The following RGS6 variants were observed in gnomAD, a reference collection of about 807,000 sequenced individuals.
RGS6 encodes the protein regulator of G protein signaling 6.
In RGS6, 30 loss-of-function variants were observed where a neutral mutation model predicts 78.5. That is an observed-to-expected ratio of 0.38 (90% CI 0.29 to 0.52). The LOEUF (loss-of-function observed/expected upper bound fraction) is 0.52. Among genes scored for constraint, RGS6 ranks in the 20% least tolerant of loss-of-function variants. RGS6 has a pLI of 0.85. For synonymous variants in RGS6, 206 were observed against 206.0 expected (o/e 1.00, Z 0.00); for missense variants, 495 against 609.7 (o/e 0.81, Z 1.98).
At chr14:71,886,045 T>C in the RGS6 span, among the ~76,000 whole-genome samples, 1 of 152,010 alleles carries the variant, frequency 6.6e-6, no homozygotes, top group Non-Finnish European at 1.5e-5. Context: ...TTTATTTTAT[T>C]CAGAAATGCG....
chr14:72,449,129 T>C (rs1038312249), intron 3 of RGS6, among the ~76,000 whole-genome samples: 3 of 152,206 alleles, frequency 2.0e-5, no homozygotes, highest in African/African-American at 7.2e-5. Flanking sequence ...GAAAATCCAA[T>C]GGATCAAGTC....
At chr14:72,193,964 G>T (rs2039381487) in intron 2 of RGS6, among the ~76,000 whole-genome samples, 1 of 152,122 alleles carries the variant, frequency 6.6e-6, no homozygotes, top group Admixed American at 6.5e-5. Context: ...TGTGTGAAGA[G>T]GAACATGAAC....
At chr14:72,036,200 A>ATATTATTAT (rs3053081) in intron 2 of RGS6, among the ~76,000 whole-genome samples, 20,589 of 146,608 alleles carry the variant, frequency 0.14, 1,726 homozygotes, top group Admixed American at 0.18. Flanking sequence ...GCATGTAAAC[A>ATATTATTAT]TATTATTATT....
At chr14:72,318,519 A>C (rs1165474721) in intron 2 of RGS6, among the ~76,000 whole-genome samples, 1 of 152,230 alleles carries the variant, frequency 6.6e-6, no homozygotes, top group African/African-American at 2.4e-5. Flanking sequence ...AGTGAAAAGC[A>C]TAAATTTTGC....
At chr14:71,993,442 C>A (rs560203843) in intron 2 of RGS6, among the ~76,000 whole-genome samples, 4 of 152,252 alleles carry the variant, frequency 2.6e-5, no homozygotes, top group African/African-American at 9.6e-5. Flanking sequence ...TAGTTACTAT[C>A]TATTGATCCC....
At chr14:72,368,941 G>A (rs985396782) in intron 3 of RGS6, among the ~76,000 whole-genome samples, 5 of 152,138 alleles carry the variant, frequency 3.3e-5, no homozygotes, top group Middle Eastern at 3.2e-3. Flanking sequence ...TTCTAGATCA[G>A]GGTGTCTAAT....
At chr14:72,022,459 G>C (rs1357219310) in intron 2 of RGS6, 1 of 152,198 alleles carries the variant, frequency 6.6e-6, no homozygotes, top group Non-Finnish European at 1.5e-5. Flanking sequence ...AGAGCAAGGA[G>C]TTTGATCTGT....
At chr14:71,915,924 C>T in the RGS6 span, among the ~76,000 whole-genome samples, 3 of 152,192 alleles carry the variant, frequency 2.0e-5, no homozygotes, top group African/African-American at 7.2e-5. Flanking sequence ...ACGCAGAGGA[C>T]AGACCACGGG....
chr14:72,069,471 C>A (rs931714673), intron 2 of RGS6, among the ~76,000 whole-genome samples: 4 of 152,182 alleles, frequency 2.6e-5, no homozygotes, highest in African/African-American at 9.7e-5. Flanking sequence ...GTTTTCCTCT[C>A]TTGTGCTGTA....
intron 2 of RGS6, among the ~76,000 whole-genome samples, chr14:72,306,890 G>T (rs2067360566): frequency 6.6e-6 from 1 of 152,182 alleles, no homozygotes; most frequent in African/African-American, 2.4e-5. Context: ...GCAGCAGCAG[G>T]GTTTGAGAGA....
intron 2 of RGS6, among the ~76,000 whole-genome samples, chr14:72,013,566 A>T (rs2086317224): frequency 6.6e-6 from 1 of 152,226 alleles, no homozygotes; most frequent in Non-Finnish European, 1.5e-5. Flanking sequence ...CAATGTAGTT[A>T]ATTTATCACA....
Position 72,495,135 on chromosome 14 carries a change from C to T in RGS6, c.855-17C>T, listed in dbSNP as rs2096627819. The T allele has an allele frequency of 6.9e-7, 1 of 1,459,750 alleles. No homozygotes were observed. Among genetic ancestry groups the T allele is most frequent in the South Asian group, 1.1e-5 (1 of 87,844 alleles). 90.4% of individuals were successfully genotyped at this position (1,459,750 alleles called of 1,614,324 possible). ...AAGGAAATCAGTGGCATTCTTTGCT[C>T]TGCCTCCCTCCTGCAGTTTAATTGC... On this transcript the variant is annotated splice_polypyrimidine_tract_variant and intron_variant, in intron 12 of 17. Coordinates refer to ENST00000553525, the MANE Select transcript of RGS6 (RefSeq NM_001204424.2).
intron 3 of RGS6, among the ~76,000 whole-genome samples, chr14:72,371,469 A>G (rs2083490004): frequency 1.3e-5 from 2 of 152,206 alleles, no homozygotes; most frequent in African/African-American, 4.8e-5. Context: ...CGTTTCTATT[A>G]AAAAATTCTG....
intron 2 of RGS6, among the ~76,000 whole-genome samples, chr14:72,105,056 A>G (rs988395543): frequency 1.3e-5 from 2 of 152,218 alleles, no homozygotes; most frequent in Non-Finnish European, 2.9e-5. Flanking sequence ...TTAGGTTGTT[A>G]GAGCATTATA....
intron 2 of RGS6, among the ~76,000 whole-genome samples, chr14:72,210,345 AT>A (rs753756029): frequency 7.3e-4 from 111 of 151,930 alleles, no homozygotes; most frequent in Non-Finnish European, 1.3e-3. Flanking sequence ...GGTTGCTTGT[AT>A]TTTTTTCACC....
chr14:72,419,490 C>A (rs2094041099), intron 3 of RGS6, among the ~76,000 whole-genome samples: 2 of 152,188 alleles, frequency 1.3e-5, no homozygotes, highest in Admixed American at 6.5e-5. Flanking sequence ...TGCGGGTATA[C>A]CAGGAACCAA....
chr14:72,450,066 G>A (rs1489441432), intron 3 of RGS6, among the ~76,000 whole-genome samples: 1 of 152,074 alleles, frequency 6.6e-6, no homozygotes, highest in Non-Finnish European at 1.5e-5. Flanking sequence ...GAAATGTAAA[G>A]AATAGAAATT....
chr14:72,250,087 T>C (rs1428330959), intron 2 of RGS6, among the ~76,000 whole-genome samples: 28 of 96,404 alleles, frequency 2.9e-4, no homozygotes, highest in African/African-American at 1.1e-3. Context: ...CCGGGGACTG[T>C]TGCGGGGTGG....
chr14:71,946,327 A>G (rs553618380), intron 1 of RGS6, among the ~76,000 whole-genome samples: 1 of 152,228 alleles, frequency 6.6e-6, no homozygotes, highest in South Asian at 2.1e-4. Context: ...GTGTACCTGG[A>G]AACAATCTCT....
Sources: gnomAD v4.1 joint callset for allele counts (sites outside exome capture counted in the v4.1 genomes callset) on GRCh38, gnomAD v4.1.1 for gene constraint, MANE v1.5 for transcripts, NCBI Gene and HGNC (gene_info 2026-07-23, HGNC 2026-07-21) for gene names.